PHF21B: variants seen among roughly 807,000 people sequenced by gnomAD.
PHF21B encodes the protein PHD finger protein 21B.
In PHF21B, 22 loss-of-function variants were observed where a neutral mutation model predicts 62.2. That is an observed-to-expected ratio of 0.35 (90% CI 0.25 to 0.51). The LOEUF (loss-of-function observed/expected upper bound fraction) is 0.51. Ranked by LOEUF, PHF21B falls within the 20% of genes least tolerant of loss-of-function variation. PHF21B has a pLI of 0.97. For synonymous variants in PHF21B, 341 were observed against 314.7 expected (o/e 1.08, Z -0.88); for missense variants, 701 against 707.9 (o/e 0.99, Z 0.11).
chr22:44,897,744 G>A (rs764486292), intron 5 of PHF21B, among the ~76,000 whole-genome samples: 1 of 152,074 alleles, frequency 6.6e-6, no homozygotes, highest in Non-Finnish European at 1.5e-5. Context: ...CCAGTTCATC[G>A]CAACTAAAGA....
intron 2 of PHF21B, among the ~76,000 whole-genome samples, chr22:44,988,818 C>A (rs1396470376): frequency 5.9e-5 from 9 of 152,196 alleles, no homozygotes; most frequent in Non-Finnish European, 1.2e-4. Flanking sequence ...AATTTACAAA[C>A]AACAGGAGTC....
At chr22:44,916,194 G>A (rs1162228631) in intron 4 of PHF21B, 86 bp downstream of exon 4, 3 of 1,295,096 alleles carry the variant, frequency 2.3e-6, no homozygotes, top group Non-Finnish European at 3.2e-6. Flanking sequence ...GCCTGGGCTT[G>A]TTCATTTGGC....
chr22:44,889,271 G>A (rs940653203), intron 9 of PHF21B, among the ~76,000 whole-genome samples: 17 of 150,694 alleles, frequency 1.1e-4, no homozygotes, highest in African/African-American at 3.9e-4. Context: ...GTGTGTGCAC[G>A]GGTAGGGGGT....
chr22:44,926,861 T>G (rs2071642838), intron 2 of PHF21B, among the ~76,000 whole-genome samples: 2 of 152,108 alleles, frequency 1.3e-5, no homozygotes, highest in Non-Finnish European at 2.9e-5. Flanking sequence ...TGACCGTGTA[T>G]CTGTGTCTGG....
At position 45,009,794 on chromosome 22, in the gene PHF21B, G is replaced by C. The variant is rs1306354461; in HGVS notation, c.-245C>G. ...CTCAGGCTGCCCGGCAAGTTGCGCCGGGTCCCCGGGCTGCCGGCGCGGCCC... is the reference window on the plus strand; with the variant it reads ...CTCAGGCTGCCCGGCAAGTTGCGCCCGGTCCCCGGGCTGCCGGCGCGGCCC... On this transcript the variant is annotated 5_prime_UTR_variant, in exon 1 of 13. Transcript: ENST00000313237. The surrounding 1 kb of genome is among the most constrained non-coding windows in gnomAD (Gnocchi z 5.9). 1.8e-5 allele frequency: 4 copies of C among 222,072 alleles called. No homozygotes were observed. The highest frequency in any genetic ancestry group is 2.9e-4 in the South Asian group (2 of 6,938). 13.8% of individuals were successfully genotyped at this position (222,072 alleles called of 1,614,324 possible).
chr22:44,994,576 G>A (rs1490132684), intron 2 of PHF21B, among the ~76,000 whole-genome samples: 1 of 152,226 alleles, frequency 6.6e-6, no homozygotes, highest in Non-Finnish European at 1.5e-5. Context: ...AGCTCGTGGG[G>A]ATCAGTTACG....
chr22:44,976,258 C>A (rs1034856217), intron 2 of PHF21B, among the ~76,000 whole-genome samples: 8 of 152,190 alleles, frequency 5.3e-5, no homozygotes, highest in Non-Finnish European at 8.8e-5. Flanking sequence ...ATTGTGTAAT[C>A]ATCAAATCAA....
chr22:44,941,017 G>C (rs1402496709), intron 2 of PHF21B, among the ~76,000 whole-genome samples: 1 of 152,204 alleles, frequency 6.6e-6, no homozygotes, highest in African/African-American at 2.4e-5. Context: ...TTTGCTGCAT[G>C]AGCAGCGGGA....
At chr22:44,891,239 G>A (rs2070958348) in intron 8 of PHF21B, 67 bp downstream of exon 8, 1 of 1,568,416 alleles carries the variant, frequency 6.4e-7, no homozygotes, top group African/African-American at 1.3e-5. Context: ...AGGCGTGGAG[G>A]ACCACCCAGG....
intron 2 of PHF21B, among the ~76,000 whole-genome samples, chr22:44,958,592 CCTTT>C (rs971122735): frequency 4.0e-4 from 51 of 126,924 alleles, no homozygotes; most frequent in Middle Eastern, 4.3e-3. Flanking sequence ...TTCCAGCCTT[CCTTT>C]GATTTTTTTT....
At position 44,912,547 on chromosome 22, in the gene PHF21B, C is replaced by T. The variant is rs186883197; in HGVS notation, c.831+1275G>A. Among the ~76,000 whole-genome samples the T allele has an allele frequency of 3.8e-4, 58 of 152,262 alleles. 1 individual carries two copies. The highest frequency in any genetic ancestry group is 2.9e-3 in the Admixed American group (45 of 15,304). On this transcript the variant is annotated intron_variant, in intron 5 of 12. Coordinates refer to ENST00000313237, the MANE Select transcript of PHF21B (RefSeq NM_138415.5). Reference sequence around the variant, plus strand: ...CTACACAAGCTCTCTCTTTGCCTGCCGCCATGTAAGATGTGACTTGCTCCT... The same window carrying T: ...CTACACAAGCTCTCTCTTTGCCTGCTGCCATGTAAGATGTGACTTGCTCCT...
At chr22:44,922,204 GAA>G (rs1372714629) in intron 2 of PHF21B, among the ~76,000 whole-genome samples, 3 of 152,254 alleles carry the variant, frequency 2.0e-5, no homozygotes, top group Non-Finnish European at 1.5e-5. Context: ...TTTGCCATTT[GAA>G]AGTCAGTCTG....
chr22:45,000,902 C>CT (rs1354584515), intron 2 of PHF21B: 1 of 152,176 alleles, frequency 6.6e-6, no homozygotes, highest in Non-Finnish European at 1.5e-5. Context: ...TCTAAAAGCA[C>CT]TTTCATATCT....
intron 3 of PHF21B, among the ~76,000 whole-genome samples, chr22:44,917,581 C>T (rs555965849): frequency 4.6e-5 from 7 of 152,324 alleles, no homozygotes; most frequent in African/African-American, 9.6e-5. Flanking sequence ...AACCCCGCTG[C>T]GCTCGCACTG....
At chr22:44,968,872 A>C (rs2072583313) in intron 2 of PHF21B, 1 of 152,198 alleles carries the variant, frequency 6.6e-6, no homozygotes, top group South Asian at 2.1e-4. Context: ...AGGAATACTC[A>C]ACCTGTCCTA....
chr22:44,979,306 C>A (rs2072794522), intron 2 of PHF21B, among the ~76,000 whole-genome samples: 1 of 152,238 alleles, frequency 6.6e-6, no homozygotes, highest in Admixed American at 6.5e-5. Context: ...GTGGCCAAGG[C>A]CAAGTTCACG....
intron 2 of PHF21B, among the ~76,000 whole-genome samples, chr22:44,923,599 T>C (rs1437370973): frequency 6.6e-6 from 1 of 152,114 alleles, no homozygotes; most frequent in East Asian, 1.9e-4. Flanking sequence ...AAAAAACACA[T>C]ACAAATCACC....
chr22:44,928,975 G>A (rs1171287033), intron 2 of PHF21B, among the ~76,000 whole-genome samples: 12 of 152,036 alleles, frequency 7.9e-5, no homozygotes, highest in Admixed American at 7.9e-4. Flanking sequence ...CGAGAGGGGA[G>A]GCAGCCCCAG....
intron 2 of PHF21B, among the ~76,000 whole-genome samples, chr22:44,962,773 T>C (rs1192147982): frequency 1.3e-5 from 2 of 152,052 alleles, no homozygotes; most frequent in African/African-American, 4.8e-5. Flanking sequence ...TGCAGGTGCC[T>C]CACGGAACGG....
Sources: gnomAD v4.1 joint callset for allele counts (sites outside exome capture counted in the v4.1 genomes callset) on GRCh38, gnomAD v4.1.1 for gene constraint, Gnocchi (gnomAD v3.1) non-coding constraint, MANE v1.5 for transcripts, NCBI Gene and HGNC (gene_info 2026-07-23, HGNC 2026-07-21) for gene names.